Variants in ITGAE observed in about 807,000 individuals in gnomAD.
The protein encoded by ITGAE is integrin subunit alpha E.
A neutral mutation model predicts 136.5 loss-of-function variants in ITGAE; 99 were observed. The observed-to-expected ratio is 0.73, with a 90% confidence interval of 0.62 to 0.86. The LOEUF (loss-of-function observed/expected upper bound fraction) is 0.86, where lower values mean the gene tolerates loss of function less well. Ranked by LOEUF, ITGAE falls within the 40% of genes least tolerant of loss-of-function variation. The probability of loss-of-function intolerance (pLI) is 0.00; values close to 1 mark genes in which losing one functional copy is unlikely to be tolerated. For synonymous variants in ITGAE, 613 were observed against 591.8 expected (o/e 1.04, Z -0.52); for missense variants, 1,447 against 1,515.3 (o/e 0.95, Z 0.75).
intron 2 of ITGAE, among the ~76,000 whole-genome samples, chr17:3,774,349 C>T (rs1046308317): frequency 1.3e-5 from 2 of 152,000 alleles, no homozygotes; most frequent in Admixed American, 6.6e-5. Context: ...GCCCTATGAC[C>T]ACCCAGAAAA....
At position 3,750,400 on chromosome 17, in the gene ITGAE, C is replaced by G; in HGVS notation, c.1976G>C (p.Gly659Ala). 6.2e-7 allele frequency: 1 copy of G among 1,614,200 alleles called. No homozygotes were observed. ...AGTGCCCACGGTGATGTCGGCAAGG[C>G]CGTCGCCACTAATATCAAAGCCACC... The part of the protein sequence containing the change: ...MAGGFDISGD[G>A]LADITVGTLG... Residue 659 changes from glycine (G) to alanine (A), a missense_variant, in exon 16 of 31, where the codon GGC becomes GCC. Around this residue, in one of 3 missense-constraint regions of ITGAE, gnomAD observed 1,031 missense variants for 1,011.4 expected, o/e 1.02. Coordinates refer to ENST00000263087, the MANE Select transcript of ITGAE (RefSeq NM_002208.5).
chr17:3,746,887 G>C (rs556405169), intron 17 of ITGAE, among the ~76,000 whole-genome samples: 1 of 152,284 alleles, frequency 6.6e-6, no homozygotes, highest in South Asian at 2.1e-4. Context: ...TACCACACCC[G>C]GCCAGGTCTG....
At chr17:3,770,114 CTT>C (rs796370894) in intron 2 of ITGAE, among the ~76,000 whole-genome samples, 23 of 138,876 alleles carry the variant, frequency 1.7e-4, no homozygotes, top group African/African-American at 5.5e-4. Context: ...TTCTTTCTTT[CTT>C]TTTTTTTTTT....
chr17:3,745,879 T>C lies in ITGAE; in HGVS notation c.2204A>G (p.Lys735Arg), dbSNP rs1359886575. Residue 735 changes from lysine (K) to arginine (R), a missense_variant, in exon 18 of 31, where the codon AAG becomes AGG. Transcript: ENST00000263087. Reference sequence around the variant, plus strand: ...TGAACACTGCAGCCGTCTCCTCTGCTTCCCCACATCCACATCCAGCGTGAA... The same window carrying C: ...TGAACACTGCAGCCGTCTCCTCTGCCTCCCCACATCCACATCCAGCGTGAA... ...LNFTLDVDVG[K>R]QRRRLQCSDV... 6.2e-7 allele frequency: 1 copy of C among 1,614,032 alleles called. No homozygotes were observed. Among genetic ancestry groups the C allele is most frequent in the Admixed American group, 1.7e-5 (1 of 60,010 alleles).
At chr17:3,774,638 G>A (rs549499524) in intron 2 of ITGAE, among the ~76,000 whole-genome samples, 5 of 152,194 alleles carry the variant, frequency 3.3e-5, no homozygotes, top group African/African-American at 7.2e-5. Flanking sequence ...GGTGGCGGGC[G>A]CCTGTAATCC....
At position 3,751,686 on chromosome 17, in the gene ITGAE, A is replaced by C. The variant is rs11652878; in HGVS notation, c.1857T>G (p.Asn619Lys). Residue 619 changes from asparagine (N) to lysine (K), a missense_variant, in exon 15 of 31, where the codon AAT becomes AAG. This residue lies in a region of ITGAE where 1,031 missense variants were observed against 1,011.4 expected (regional missense o/e 1.02). Coordinates refer to ENST00000263087, the MANE Select transcript of ITGAE (RefSeq NM_002208.5). ...GASFGSVYIY[N>K]GHWDGLSASP... ...TGGCGGAGAGGCCGTCCCAGTGTCC[A>C]TTGTAGATATACACACTGCCGAAGC... The C allele has an allele frequency of 6.2e-7, 1 of 1,613,832 alleles. No homozygotes were observed. The highest frequency in any genetic ancestry group is 8.5e-7 in the Non-Finnish European group (1 of 1,179,866).
At chr17:3,784,266 A>G in intron 1 of ITGAE, 1 of 343,940 alleles carries the variant, frequency 2.9e-6, no homozygotes. Flanking sequence ...TCTCAAAAAA[A>G]TAAAATAAAA....
chr17:3,729,740 G>A (rs547905493), intron 23 of ITGAE, 185 bp from the exon 24 acceptor site: 36 of 546,586 alleles, frequency 6.6e-5, no homozygotes, highest in African/African-American at 4.0e-4. Context: ...AATTACAGGC[G>A]TGAGCCACCA....
At chr17:3,771,309 G>A (rs144578323) in intron 2 of ITGAE, among the ~76,000 whole-genome samples, 1,909 of 152,228 alleles carry the variant, frequency 0.013, 10 homozygotes, top group Non-Finnish European at 0.02. Context: ...GGCACACACC[G>A]TATGCCTCGT....
chr17:3,755,963 A>T, intron 10 of ITGAE, 66 bp from the exon 11 acceptor site: 3 of 1,488,280 alleles, frequency 2.0e-6, no homozygotes, highest in Non-Finnish European at 2.8e-6. Flanking sequence ...GAGTCAGGGG[A>T]CAGTCCAGCT....
intron 1 of ITGAE, among the ~76,000 whole-genome samples, chr17:3,789,419 T>C (rs2052882624): frequency 6.6e-6 from 1 of 152,114 alleles, no homozygotes; most frequent in African/African-American, 2.4e-5. Flanking sequence ...AAGTACTTCT[T>C]GTCTTTTAAG....
chr17:3,726,070 C>T lies in ITGAE; in HGVS notation c.3084+1849G>A, dbSNP rs754975894. 25 of 1,614,128 alleles carry T rather than the reference C, an allele frequency of 1.5e-5. No individual in the cohort carries two copies. The South Asian group carries it at 2.7e-4, about 18-fold the overall frequency. Reference sequence around the variant, plus strand: ...GTTTCCATGGATGAGGACCTGTTTACCGGTGACGGTGACTACCAGTTTGAC... The same window carrying T: ...GTTTCCATGGATGAGGACCTGTTTATCGGTGACGGTGACTACCAGTTTGAC... On this transcript the variant is annotated intron_variant, in intron 26 of 30. Transcript: ENST00000263087.
chr17:3,777,802 G>A (rs2052579450), intron 1 of ITGAE, 142 bp from the exon 2 acceptor site: 1 of 998,636 alleles, frequency 1.0e-6, no homozygotes, highest in Non-Finnish European at 1.4e-6. Context: ...GAGAGAGAAA[G>A]ACTAGACGCA....
intron 1 of ITGAE, among the ~76,000 whole-genome samples, chr17:3,792,768 G>A (rs1025095832): frequency 6.6e-6 from 1 of 152,194 alleles, no homozygotes; most frequent in Non-Finnish European, 1.5e-5. Flanking sequence ...TTTCTTGAAG[G>A]TGATATCAAC....
chr17:3,728,697 G>A (rs1222192154), intron 24 of ITGAE, among the ~76,000 whole-genome samples: 1 of 150,870 alleles, frequency 6.6e-6, no homozygotes, highest in Non-Finnish European at 1.5e-5. Context: ...GAACTCGACT[G>A]CTTTCAACTG....
chr17:3,742,733 C>T (rs184387036), intron 19 of ITGAE, among the ~76,000 whole-genome samples: 1 of 152,340 alleles, frequency 6.6e-6, no homozygotes, highest in African/African-American at 2.4e-5. Context: ...GAACCTCTGC[C>T]TCCTGGGCAA....
intron 1 of ITGAE, among the ~76,000 whole-genome samples, chr17:3,788,113 T>C (rs77084670): frequency 0.021 from 3,235 of 152,288 alleles, 99 homozygotes; most frequent in East Asian, 0.13. Flanking sequence ...TTTGTAGAAA[T>C]TCTTTACATA....
intron 16 of ITGAE, among the ~76,000 whole-genome samples, chr17:3,749,258 C>CT (rs796375843): frequency 0.021 from 2,980 of 144,112 alleles, 74 homozygotes; most frequent in South Asian, 0.062. Context: ...CTCTGTTTTT[C>CT]TTTTTTTTTT....
intron 26 of ITGAE, chr17:3,725,280 ACT>A (rs748669406): frequency 5.6e-6 from 9 of 1,613,772 alleles, no homozygotes; most frequent in African/African-American, 1.3e-5. Context: ...CCCCTTAAAC[ACT>A]CTAAGTATTT....
Sources: allele counts gnomAD v4.1 joint callset (sites outside exome capture counted in the v4.1 genomes callset), GRCh38; gene constraint gnomAD v4.1.1; regional missense constraint gnomAD v4.1.1; transcripts MANE v1.5; gene names NCBI Gene and HGNC (gene_info 2026-07-23, HGNC 2026-07-21).